NAB1: variants seen among roughly 807,000 people sequenced by gnomAD.
NAB1 encodes NGFI-A-binding protein 1.
Under a neutral mutation model 49.9 loss-of-function variants are expected in NAB1, and 25 were observed. That is an observed-to-expected ratio of 0.50 (90% CI 0.37 to 0.70). The LOEUF is 0.70. Ranked by LOEUF, NAB1 falls within the 30% of genes least tolerant of loss-of-function variation. The pLI, the probability that NAB1 is intolerant of heterozygous loss-of-function variation, is 0.00. For missense variants in NAB1, 489 were observed against 575.9 expected (o/e 0.85, Z 1.54); for synonymous variants, 198 against 215.6 (o/e 0.92, Z 0.71).
chr2:190,687,283 A>T lies in NAB1; in HGVS notation c.1341A>T (p.Arg447Ser). The T allele has an allele frequency of 6.3e-7, 1 of 1,599,272 alleles. No individual in the cohort carries two copies. The highest frequency in any genetic ancestry group is 1.1e-5 in the South Asian group (1 of 88,074). ...TTGTGGTGGATGGGGAGCTGAGCAG[A>T]CTTTACCCCAGTGAGGCAAAGTCCC... Reference protein sequence around the residue: ...HHFVVDGELSRLYPSEAKSHS... With the variant: ...HHFVVDGELSSLYPSEAKSHS... Residue 447 changes from arginine (R) to serine (S), a missense_variant, in exon 9 of 10, where the codon AGA (arginine) becomes AGT (serine). Arg to Ser is a moderately radical substitution (Grantham distance 110, BLOSUM62 -1). Coordinates refer to ENST00000337386, the MANE Select transcript of NAB1 (RefSeq NM_005966.4).
chr2:190,655,689 AT>A (rs1693882719), intron 2 of NAB1, among the ~76,000 whole-genome samples: 1 of 152,160 alleles, frequency 6.6e-6, no homozygotes, highest in African/African-American at 2.4e-5. Flanking sequence ...CTATCAAAAA[AT>A]CCTCACATCC....
intron 9 of NAB1, among the ~76,000 whole-genome samples, chr2:190,688,084 C>G (rs745767801): frequency 1.3e-5 from 2 of 152,124 alleles, no homozygotes; most frequent in African/African-American, 2.4e-5. Flanking sequence ...GCATTAGAGA[C>G]CAGCACAATT....
rs941290361 is a variant in NAB1 at position 190,669,525 on chromosome 2, G to A, written c.820-801G>A. Among the ~76,000 whole-genome samples, 11 of 152,114 alleles carry A rather than the reference G, an allele frequency of 7.2e-5. No individual in the cohort carries two copies. Among genetic ancestry groups the A allele is most frequent in the Admixed American group, 2.0e-4 (3 of 15,264 alleles). Reference sequence around the variant, plus strand: ...TCTCCTCAGGTCTGTCTGCCATCACGTCCCATTTTCTTTTTGCTAATCATC... The same window carrying A: ...TCTCCTCAGGTCTGTCTGCCATCACATCCCATTTTCTTTTTGCTAATCATC... On this transcript the variant is annotated intron_variant, in intron 4 of 9. Transcript: ENST00000337386. The surrounding 1 kb of genome is among the most constrained non-coding windows in gnomAD (Gnocchi z 4.3).
rs1694336566 is a variant in NAB1, at chr2:190,663,610, GC to G, written c.819+3617del. On this transcript the variant is annotated intron_variant, in intron 4 of 9. Coordinates refer to ENST00000337386, the MANE Select transcript of NAB1 (RefSeq NM_005966.4). This position sits in a 1 kb window ranked among gnomAD's most constrained non-coding sequence, Gnocchi z 4.2. ...GCCAACCTCTGATCTTTTTGAAGAA[GC>G]CACTCTGGGCTTAGTTGCTATTCTT... Among the ~76,000 whole-genome samples the G allele has an allele frequency of 6.6e-6, 1 of 152,154 alleles. No individual in the cohort carries two copies. The highest frequency in any genetic ancestry group is 1.5e-5 in the Non-Finnish European group (1 of 68,030).
rs1695798628 is a variant in NAB1 at position 190,689,331 on chromosome 2, A to G, written c.1376-914A>G. On this transcript the variant is annotated intron_variant, in intron 9 of 9. Transcript: ENST00000337386. The surrounding 1 kb of genome is among the most constrained non-coding windows in gnomAD (Gnocchi z 4.3). ...GGATTAAACAAGATAGTGTACCTGCATCGTACACTATCTATTCCAGCCAGC... is the reference window on the plus strand; with the variant it reads ...GGATTAAACAAGATAGTGTACCTGCGTCGTACACTATCTATTCCAGCCAGC... 6.6e-6 allele frequency among the ~76,000 whole-genome samples: 1 copy of G among 152,194 alleles called. No homozygotes were observed. Among genetic ancestry groups the G allele is most frequent in the African/African-American group, 2.4e-5 (1 of 41,442 alleles).
chr2:190,674,187 T>C lies in NAB1; in HGVS notation c.1005+1035T>C, dbSNP rs1350265980. Among the ~76,000 whole-genome samples the C allele has an allele frequency of 6.6e-6, 1 of 152,212 alleles. No homozygotes were observed. Among genetic ancestry groups the C allele is most frequent in the Non-Finnish European group, 1.5e-5 (1 of 68,040 alleles). ...TGTACCTGGAATAAAATCTAAACTT[T>C]TTTTTTAAAGGATCTAAGACCCCAC... On this transcript the variant is annotated intron_variant, in intron 6 of 9. Coordinates refer to ENST00000337386, the MANE Select transcript of NAB1 (RefSeq NM_005966.4). This position sits in a 1 kb window ranked among gnomAD's most constrained non-coding sequence, Gnocchi z 5.7.
At position 190,691,895 on chromosome 2, in the gene NAB1, T is replaced by C. The variant is rs148097919; in HGVS notation, c.*1562T>C. 6.6e-5 allele frequency: 10 copies of C among 152,592 alleles called. No homozygotes were observed. The East Asian group carries it at 1.9e-3, about 29-fold the overall frequency. 9.5% of individuals were successfully genotyped at this position (152,592 alleles called of 1,614,324 possible). A position where few individuals can be genotyped will look rare whatever the true frequency, so the allele number is the denominator to read the frequency against. On this transcript the variant is annotated 3_prime_UTR_variant, in exon 10 of 10. Transcript: ENST00000337386. The surrounding 1 kb of genome is among the most constrained non-coding windows in gnomAD (Gnocchi z 4.1). ...ACTGTAGTCTCAGATCACTGTCACG[T>C]ATATAAATTGCTTCTTCATTTTAAT...
At chr2:190,650,520 C>T (rs956163378) in intron 2 of NAB1, among the ~76,000 whole-genome samples, 1 of 152,168 alleles carries the variant, frequency 6.6e-6, no homozygotes. Context: ...CAATGACTTA[C>T]CTTCCTAGGT....
intron 9 of NAB1, among the ~76,000 whole-genome samples, chr2:190,688,492 A>G (rs978335908): frequency 6.6e-6 from 1 of 152,190 alleles, no homozygotes; most frequent in Admixed American, 6.5e-5. Flanking sequence ...ATTATCCTAA[A>G]AAGATGACAT....
At chr2:190,690,166 G>C in intron 9 of NAB1, 79 bp from the exon 10 acceptor site, 1 of 993,386 alleles carries the variant, frequency 1.0e-6, no homozygotes, top group Non-Finnish European at 1.6e-6. Flanking sequence ...GGAGTTTGGG[G>C]GTTTGTTTTA....
At position 190,683,792 on chromosome 2, in the gene NAB1, G is replaced by C; in HGVS notation, c.1060G>C (p.Ala354Pro). 6.2e-7 allele frequency: 1 copy of C among 1,613,818 alleles called. No individual in the cohort carries two copies. Among genetic ancestry groups the C allele is most frequent in the Non-Finnish European group, 8.5e-7 (1 of 1,179,922 alleles). ...GCAAACACTCTTCCAGCAGGCTAGA[G>C]CTAAGAGTGAAGAACTTGCAGCTCT... is the stretch of plus-strand genomic sequence containing the variant. ...SVQTLFQQAR[A>P]KSEELAALSS... is the part of the protein sequence containing the mutation. The change falls in exon 7 of 10, where the codon GCT (alanine) becomes CCT (proline). Residue 354 changes from alanine (A) to proline (P), a missense_variant. Physicochemically the swap from Ala to Pro is conservative, Grantham distance 27. Around this residue, in one of 4 missense-constraint regions of NAB1, gnomAD observed 212 missense variants for 199.3 expected, o/e 1.06. Coordinates refer to ENST00000337386, the MANE Select transcript of NAB1 (RefSeq NM_005966.4).
chr2:190,659,698 C>T lies in NAB1; in HGVS notation c.522C>T (p.Ser174=). Residue 174 remains serine, a synonymous_variant, in exon 4 of 10, where the codon TCC becomes TCT. Transcript: ENST00000337386. The surrounding 1 kb of genome is among the most constrained non-coding windows in gnomAD (Gnocchi z 6.2). ...HHATESEHSL[S]PADLGSPASP... ...CCACTGAGAGCGAGCACAGCCTCTC[C>T]CCAGCAGACCTGGGCTCCCCCGCGT... 1 of 1,613,810 alleles carries T rather than the reference C, an allele frequency of 6.2e-7. No individual in the cohort carries two copies.
chr2:190,687,395 CAAAAAAAAAAAAA>C, intron 9 of NAB1, 78 bp downstream of exon 9: 4 of 162,066 alleles, frequency 2.5e-5, no homozygotes, highest in East Asian at 1.1e-4. Flanking sequence ...CCTCCCCCAT[CAAAAAAAAAAAAA>C]AAAAAAAAAA....
intron 4 of NAB1, among the ~76,000 whole-genome samples, chr2:190,668,637 T>TA (rs1295858834): frequency 6.6e-6 from 1 of 152,200 alleles, no homozygotes; most frequent in Non-Finnish European, 1.5e-5. Flanking sequence ...TACACTGAAA[T>TA]ATTGGAATAA....
At chr2:190,672,893 A>C (rs114234285) in intron 5 of NAB1, among the ~76,000 whole-genome samples, 1,713 of 152,200 alleles carry the variant, frequency 0.011, 15 homozygotes, top group Non-Finnish European at 0.018. Flanking sequence ...AAAATGTATA[A>C]TTGTATCTAT....
chr2:190,658,400 ATGTAATCTCGTAGTCACC>A (rs1487205076), intron 3 of NAB1, among the ~76,000 whole-genome samples: 1 of 152,160 alleles, frequency 6.6e-6, no homozygotes, highest in Non-Finnish European at 1.5e-5. Flanking sequence ...GAACTCTCAG[ATGTAATCTCGTAGTCACC>A]TGTAACTCTT....
chr2:190,690,195 G>C, intron 9 of NAB1, 50 bp from the exon 10 acceptor site: 1 of 1,246,186 alleles, frequency 8.0e-7, no homozygotes, highest in African/African-American at 1.5e-5. Flanking sequence ...TTTGATTTTT[G>C]TAGTCCATTG....
chr2:190,673,991 T>C (rs1694951687), intron 6 of NAB1, among the ~76,000 whole-genome samples: 1 of 152,212 alleles, frequency 6.6e-6, no homozygotes, highest in Non-Finnish European at 1.5e-5. Context: ...ATCCTATTAT[T>C]TAATTTCAAG....
Position 190,679,478 on chromosome 2 carries a change from T to C in NAB1, c.1006-4260T>C, listed in dbSNP as rs2125810906. 6.6e-6 allele frequency among the ~76,000 whole-genome samples: 1 copy of C among 152,320 alleles called. No individual in the cohort carries two copies. The highest frequency in any genetic ancestry group is 1.9e-4 in the East Asian group (1 of 5,194). On this transcript the variant is annotated intron_variant, in intron 6 of 9. Coordinates refer to ENST00000337386, the MANE Select transcript of NAB1 (RefSeq NM_005966.4). This position sits in a 1 kb window ranked among gnomAD's most constrained non-coding sequence, Gnocchi z 5.3. ...AATAGTGTCCATTTTCTAGCAACTT[T>C]CACATGTAGAGTTTGAGGTTCCCCC...
Sources: gnomAD v4.1 joint callset for allele counts (sites outside exome capture counted in the v4.1 genomes callset) on GRCh38, gnomAD v4.1.1 for gene constraint, gnomAD v4.1.1 regional missense constraint, Gnocchi (gnomAD v3.1) non-coding constraint, MANE v1.5 for transcripts, NCBI Gene and HGNC (gene_info 2026-07-23, HGNC 2026-07-21) for gene names.